The following APBA2 variants were observed in gnomAD, a reference collection of about 807,000 sequenced individuals.
The protein encoded by APBA2 is amyloid-beta A4 precursor protein-binding family A member 2.
A neutral mutation model predicts 75.0 loss-of-function variants in APBA2; 30 were observed. That is an observed-to-expected ratio of 0.40 (90% CI 0.30 to 0.54). APBA2 has a LOEUF of 0.54. Among genes scored for constraint, APBA2 ranks in the 20% least tolerant of loss-of-function variants. The pLI, the probability that APBA2 is intolerant of heterozygous loss-of-function variation, is 0.49. For missense variants in APBA2, 801 were observed against 1,016.1 expected (o/e 0.79, Z 2.88); for synonymous variants, 444 against 409.6 (o/e 1.08, Z -1.01).
intron 3 of APBA2, among the ~76,000 whole-genome samples, chr15:29,037,727 C>G (rs1181165845): frequency 2.0e-5 from 3 of 152,086 alleles, no homozygotes; most frequent in Admixed American, 6.6e-5. Flanking sequence ...TTTATTGGCT[C>G]AAAGTTCTGG....
chr15:29,048,041 T>C (rs552213363), intron 3 of APBA2, among the ~76,000 whole-genome samples: 1 of 152,280 alleles, frequency 6.6e-6, no homozygotes, highest in East Asian at 1.9e-4. Context: ...AAAGACTCAG[T>C]ATTGTAAGTA....
intron 5 of APBA2, among the ~76,000 whole-genome samples, chr15:29,075,211 C>G (rs2042797349): frequency 6.6e-6 from 1 of 152,076 alleles, no homozygotes; most frequent in Non-Finnish European, 1.5e-5. Context: ...GAGAGGGCCT[C>G]CCTGATGTTA....
rs778517321 is a variant in APBA2, at chr15:29,106,562, C to T, written c.1705-45C>T. ...TCCTGTGGGTCCTTGGCAGAGGCCT[C>T]GGTCCTTGCCGCCAGCCCCTCTCAC... On this transcript the variant is annotated intron_variant, in intron 11 of 14. Transcript: ENST00000683413. 4.3e-5 allele frequency: 69 copies of T among 1,606,660 alleles called. No homozygotes were observed. The Middle Eastern group carries it at 5.2e-4, about 12-fold the overall frequency.
chr15:29,096,782 G>A (rs771364705), intron 8 of APBA2, among the ~76,000 whole-genome samples: 2 of 152,302 alleles, frequency 1.3e-5, no homozygotes, highest in South Asian at 2.1e-4. Context: ...TTGCTGTTTC[G>A]AAATGGAAAA....
intron 3 of APBA2, among the ~76,000 whole-genome samples, chr15:29,048,850 G>A (rs1026257347): frequency 2.6e-5 from 4 of 151,920 alleles, no homozygotes; most frequent in African/African-American, 9.7e-5. Context: ...GGCTGAGGCA[G>A]GAGAATCACT....
At chr15:28,916,611 T>C (rs2033702077) in intron 1 of APBA2, among the ~76,000 whole-genome samples, 1 of 152,182 alleles carries the variant, frequency 6.6e-6, no homozygotes. Context: ...GTGTATGGGC[T>C]GGGCAGTGTG....
At chr15:28,958,024 G>C (rs141604496) in intron 2 of APBA2, among the ~76,000 whole-genome samples, 2 of 152,246 alleles carry the variant, frequency 1.3e-5, no homozygotes, top group African/African-American at 4.8e-5. Flanking sequence ...CCCTTGCTGT[G>C]GTGTCTTTGC....
chr15:28,953,294 C>T (rs1382230646), intron 2 of APBA2, among the ~76,000 whole-genome samples: 1 of 152,208 alleles, frequency 6.6e-6, no homozygotes, highest in Non-Finnish European at 1.5e-5. Flanking sequence ...CTTCACGCTG[C>T]CCTCCAGCAG....
chr15:29,012,615 C>G (rs1369836022), intron 3 of APBA2, among the ~76,000 whole-genome samples: 1 of 152,158 alleles, frequency 6.6e-6, no homozygotes, highest in African/African-American at 2.4e-5. Flanking sequence ...TTTGTATGGA[C>G]TCATGGATAT....
At chr15:28,978,331 G>A (rs2037448297) in intron 2 of APBA2, among the ~76,000 whole-genome samples, 1 of 152,202 alleles carries the variant, frequency 6.6e-6, no homozygotes, top group South Asian at 2.1e-4. Context: ...TGCCTTCATT[G>A]TCACAGATGA....
chr15:29,016,910 T>G (rs1361220458), intron 3 of APBA2, among the ~76,000 whole-genome samples: 1 of 152,326 alleles, frequency 6.6e-6, no homozygotes, highest in East Asian at 1.9e-4. Context: ...TTTAACCTGT[T>G]CCTTTCATCA....
At chr15:29,116,945 T>C (rs2045213989) in intron 14 of APBA2, 117 bp from the exon 15 acceptor site, 5 of 1,128,506 alleles carry the variant, frequency 4.4e-6, no homozygotes, top group Non-Finnish European at 6.8e-6. Context: ...TCCTTCACTC[T>C]AGGAGATGGG....
intron 2 of APBA2, among the ~76,000 whole-genome samples, chr15:28,974,088 T>C (rs1300611795): frequency 6.6e-6 from 1 of 152,152 alleles, no homozygotes; most frequent in Non-Finnish European, 1.5e-5. Context: ...AACTCTATGC[T>C]GTATAAAGAA....
chr15:28,922,604 G>A (rs546564049), intron 2 of APBA2, among the ~76,000 whole-genome samples: 13 of 152,258 alleles, frequency 8.5e-5, no homozygotes, highest in African/African-American at 2.9e-4. Flanking sequence ...GGCCGTCTGA[G>A]CCACATTCCA....
intron 12 of APBA2, among the ~76,000 whole-genome samples, chr15:29,107,071 C>A (rs571415991): frequency 3.9e-5 from 6 of 152,298 alleles, no homozygotes; most frequent in Admixed American, 2.6e-4. Flanking sequence ...AGCCCTGTAC[C>A]GAGCCATGTG....
intron 6 of APBA2, among the ~76,000 whole-genome samples, chr15:29,092,032 G>A (rs746800694): frequency 3.3e-5 from 5 of 152,202 alleles, no homozygotes; most frequent in Admixed American, 2.0e-4. Flanking sequence ...GCCAAGCCAC[G>A]GTCTAGGATA....
rs568604013 is a variant in APBA2 at position 29,002,339 on chromosome 15, A to G, written c.-41+6533A>G. Among the ~76,000 whole-genome samples, 303 of 152,316 alleles carry G rather than the reference A, an allele frequency of 2.0e-3. 1 individual carries two copies. Among genetic ancestry groups the G allele is most frequent in the Non-Finnish European group, 3.5e-3 (240 of 68,026 alleles). The stretch of plus-strand genomic sequence containing the variant: ...CCTGTATCGCAGCAGAGCATACTGC[A>G]AAGAATTGCATTTCCATACAGTCTA... On this transcript the variant is annotated intron_variant, in intron 3 of 14. Coordinates refer to ENST00000683413, the MANE Select transcript of APBA2 (RefSeq NM_001353788.2).
intron 3 of APBA2, among the ~76,000 whole-genome samples, chr15:29,033,437 C>T (rs894733509): frequency 2.6e-5 from 4 of 152,148 alleles, no homozygotes; most frequent in East Asian, 1.9e-4. Flanking sequence ...GTCAGCCAAG[C>T]GAGAGGTTAT....
At chr15:29,027,536 ATTC>A (rs1389015028) in intron 3 of APBA2, among the ~76,000 whole-genome samples, 1 of 151,684 alleles carries the variant, frequency 6.6e-6, no homozygotes, top group Admixed American at 6.6e-5. Context: ...TATGATATGT[ATTC>A]TTTTTATACT....
Sources: gnomAD v4.1 joint callset for allele counts (sites outside exome capture counted in the v4.1 genomes callset) on GRCh38, gnomAD v4.1.1 for gene constraint, MANE v1.5 for transcripts, NCBI Gene and HGNC (gene_info 2026-07-23, HGNC 2026-07-21) for gene names.